PRKN: variants seen among roughly 807,000 people sequenced by gnomAD.
PRKN encodes the protein E3 ubiquitin-protein ligase parkin.
A neutral mutation model predicts 59.5 loss-of-function variants in PRKN; 56 were observed. The observed-to-expected ratio is 0.94, with a 90% CI of 0.76 to 1.18. PRKN has a LOEUF of 1.18. Among genes scored for constraint, PRKN ranks in the 50% most tolerant of loss-of-function variants. The pLI, the probability that PRKN is intolerant of heterozygous loss-of-function variation, is 0.00. For synonymous variants in PRKN, 250 were observed against 222.1 expected, an observed-to-expected ratio of 1.13 and a Z score of -1.12; for missense variants, 657 against 596.4, an observed-to-expected ratio of 1.10 and a Z score of -1.06.
At chr6:162,611,100 A>G (rs1452896034) in intron 1 of PRKN, among the ~76,000 whole-genome samples, 15 of 152,226 alleles carry the variant, frequency 9.9e-5, no homozygotes, top group Admixed American at 9.8e-4. Context: ...TCCTTTTGTA[A>G]TATCTATTGG....
intron 6 of PRKN, among the ~76,000 whole-genome samples, chr6:161,861,226 A>G (rs1301841599): frequency 2.0e-5 from 3 of 152,236 alleles, no homozygotes; most frequent in African/African-American, 7.2e-5. Context: ...CATATACACC[A>G]TGGAATACTA....
intron 8 of PRKN, among the ~76,000 whole-genome samples, chr6:161,559,651 A>T (rs1780378631): frequency 6.6e-6 from 1 of 151,948 alleles, no homozygotes; most frequent in South Asian, 2.1e-4. Context: ...CTTTCTGCTT[A>T]TTCTCTAGAA....
At chr6:162,506,396 AGACATGT>A (rs1381446187) in intron 1 of PRKN, among the ~76,000 whole-genome samples, 4 of 152,134 alleles carry the variant, frequency 2.6e-5, no homozygotes, top group Non-Finnish European at 5.9e-5. Context: ...GACTGAGAAG[AGACATGT>A]GATACTAGGA....
At chr6:161,604,487 T>A (rs146471840) in intron 7 of PRKN, among the ~76,000 whole-genome samples, 371 of 152,282 alleles carry the variant, frequency 2.4e-3, no homozygotes, top group Non-Finnish European at 4.4e-3. Flanking sequence ...CCTAGGCCTT[T>A]AGGGCAGAAC....
At chr6:162,372,894 C>CG (rs1785850074) in intron 2 of PRKN, among the ~76,000 whole-genome samples, 1 of 152,068 alleles carries the variant, frequency 6.6e-6, no homozygotes, top group Non-Finnish European at 1.5e-5. Context: ...GAGAAAAAGA[C>CG]TGAGTATGTA....
At chr6:161,528,949 T>C (rs1257877658) in intron 9 of PRKN, among the ~76,000 whole-genome samples, 1 of 152,166 alleles carries the variant, frequency 6.6e-6, no homozygotes, top group East Asian at 1.9e-4. Context: ...GAAGTAAAGT[T>C]TGCCTGACTC....
In PRKN at chr6:161,357,916, C is replaced by T. The variant is rs1277001577; in HGVS notation, c.1285+2172G>A. Among the ~76,000 whole-genome samples, 10 of 152,228 alleles carry T rather than the reference C, an allele frequency of 6.6e-5. No homozygotes were observed. The highest frequency in any genetic ancestry group is 2.1e-4 in the South Asian group (1 of 4,830). On this transcript the variant is annotated intron_variant, in intron 11 of 11. Transcript: ENST00000366898. The surrounding 1 kb of genome is among the most constrained non-coding windows in gnomAD (Gnocchi z 5.5). Reference sequence around the variant, plus strand: ...GTCCCATTGAAACCCATCTTATGAACGAGCAAACTGGTGCTCACACAGCCA... The same window carrying T: ...GTCCCATTGAAACCCATCTTATGAATGAGCAAACTGGTGCTCACACAGCCA...
chr6:162,201,305 A>T, intron 3 of PRKN, 53 bp from the exon 4 acceptor site: 1 of 1,592,520 alleles, frequency 6.3e-7, no homozygotes, highest in African/African-American at 1.3e-5. Flanking sequence ...CTAAATTGAG[A>T]CAAGAAACTC....
intron 7 of PRKN, among the ~76,000 whole-genome samples, chr6:161,733,018 ATGC>A (rs1182169055): frequency 6.6e-6 from 1 of 152,170 alleles, no homozygotes; most frequent in Non-Finnish European, 1.5e-5. Context: ...ACTTCAGAAA[ATGC>A]TGCTAACAGA....
chr6:161,866,330 C>G (rs1769602393), intron 6 of PRKN, among the ~76,000 whole-genome samples: 2 of 152,150 alleles, frequency 1.3e-5, no homozygotes, highest in African/African-American at 4.8e-5. Context: ...AATCCCAGCA[C>G]TTTGGGAGGC....
intron 1 of PRKN, among the ~76,000 whole-genome samples, chr6:162,554,162 T>C (rs928015563): frequency 1.3e-5 from 2 of 152,188 alleles, no homozygotes; most frequent in Non-Finnish European, 2.9e-5. Flanking sequence ...TGAATGAAGA[T>C]ACAGGATACT....
intron 10 of PRKN, among the ~76,000 whole-genome samples, chr6:161,384,878 A>T (rs1472133712): frequency 1.3e-5 from 2 of 152,132 alleles, no homozygotes; most frequent in African/African-American, 4.8e-5. Flanking sequence ...TTTCCAGTAA[A>T]TCTCCCCCCA....
rs1471472836 is a variant in PRKN at position 162,690,373 on chromosome 6, C to A, written c.7+37289G>T. On this transcript the variant is annotated intron_variant, in intron 1 of 11. Transcript: ENST00000366898. Reference sequence around the variant, plus strand: ...GAGGCTGCTGTTCAAACTCAAGCAACCTGCTTTCAGAGTCTCTGTTTCCTT... The same window carrying A: ...GAGGCTGCTGTTCAAACTCAAGCAAACTGCTTTCAGAGTCTCTGTTTCCTT... Among the ~76,000 whole-genome samples, 3 of 152,220 alleles carry A rather than the reference C, an allele frequency of 2.0e-5. No individual in the cohort carries two copies. In the East Asian group the frequency reaches 5.8e-4, roughly 29 times the overall value.
intron 3 of PRKN, among the ~76,000 whole-genome samples, chr6:162,235,892 A>T (rs1778639184): frequency 6.7e-6 from 1 of 148,250 alleles, no homozygotes; most frequent in Non-Finnish European, 1.5e-5. Flanking sequence ...AGAGAAAGAA[A>T]GAAAGAAGGA....
chr6:162,578,503 A>T (rs746289810), intron 1 of PRKN, among the ~76,000 whole-genome samples: 7 of 152,238 alleles, frequency 4.6e-5, no homozygotes, highest in Non-Finnish European at 8.8e-5. Flanking sequence ...ATAATAAAAC[A>T]GCAATACTAT....
chr6:162,159,643 A>G (rs1461182190), intron 4 of PRKN, among the ~76,000 whole-genome samples: 1 of 152,240 alleles, frequency 6.6e-6, no homozygotes, highest in African/African-American at 2.4e-5. Flanking sequence ...GACCTAAACT[A>G]GCCAATATAA....
At chr6:161,479,289 T>G (rs755739252) in intron 9 of PRKN, among the ~76,000 whole-genome samples, 1 of 152,206 alleles carries the variant, frequency 6.6e-6, no homozygotes, top group East Asian at 1.9e-4. Flanking sequence ...CGCATTCACA[T>G]GTATAATAAT....
chr6:161,438,873 CAT>C (rs777502103), intron 9 of PRKN, among the ~76,000 whole-genome samples: 54 of 152,208 alleles, frequency 3.5e-4, no homozygotes, highest in African/African-American at 1.3e-3. Flanking sequence ...AAGGAATAGA[CAT>C]AGCCATTTTG....
intron 1 of PRKN, among the ~76,000 whole-genome samples, chr6:162,693,306 C>T (rs1215113505): frequency 6.6e-6 from 1 of 152,202 alleles, no homozygotes; most frequent in African/African-American, 2.4e-5. Flanking sequence ...GCCACTAATG[C>T]TGCATCCTCA....
Sources: allele counts gnomAD v4.1 joint callset (sites outside exome capture counted in the v4.1 genomes callset), GRCh38; gene constraint gnomAD v4.1.1; non-coding constraint Gnocchi (gnomAD v3.1); transcripts MANE v1.5; gene names NCBI Gene and HGNC (gene_info 2026-07-23, HGNC 2026-07-21).